COBL: variants seen among roughly 807,000 people sequenced by gnomAD.
COBL encodes the protein cordon-bleu WH2 repeat protein.
A neutral mutation model predicts 98.8 loss-of-function variants in COBL; 51 were observed. That is an observed-to-expected ratio of 0.52 (90% confidence interval 0.41 to 0.65). COBL has a LOEUF of 0.65. Among genes scored for constraint, COBL ranks in the 30% least tolerant of loss-of-function variants. The probability of loss-of-function intolerance (pLI) is 0.00; values close to 1 mark genes in which losing one functional copy is unlikely to be tolerated. For missense variants in COBL, 1,617 were observed against 1,617.5 expected (o/e 1.00, Z 0.01); for synonymous variants, 634 against 651.7 (o/e 0.97, Z 0.41).
rs529669335 is a variant in COBL, at chr7:51,294,102, C to G, written c.41+22491G>C. 6.8e-4 allele frequency among the ~76,000 whole-genome samples: 103 copies of G among 152,082 alleles called. 3 individuals carry two copies. In the South Asian group the frequency reaches 0.019, roughly 28 times the overall value. ...GGTCAGGAATTCGAGACCAGCCTGG[C>G]CAACATGGTGAAACCCCATCTCTAC... is the stretch of plus-strand genomic sequence containing the variant. On this transcript the variant is annotated intron_variant, in intron 1 of 12. Coordinates refer to ENST00000265136, the MANE Select transcript of COBL (RefSeq NM_015198.5).
chr7:51,279,588 G>A (rs1799624288), intron 1 of COBL, among the ~76,000 whole-genome samples: 1 of 152,142 alleles, frequency 6.6e-6, no homozygotes, highest in Non-Finnish European at 1.5e-5. Flanking sequence ...CGCCCCACCA[G>A]ACTGGAACAT....
intron 1 of COBL, among the ~76,000 whole-genome samples, chr7:51,305,989 T>A (rs538520587): frequency 3.3e-5 from 5 of 152,052 alleles, no homozygotes; most frequent in Non-Finnish European, 7.4e-5. Context: ...TGAGCTGAGA[T>A]CGCATCACTG....
chr7:51,128,369 GTA>G (rs1157664559), intron 6 of COBL, among the ~76,000 whole-genome samples: 1 of 152,190 alleles, frequency 6.6e-6, no homozygotes, highest in Non-Finnish European at 1.5e-5. Context: ...ATGTGTGCGT[GTA>G]TGTGTGTGTG....
rs1042553803 is a variant in COBL at position 51,031,139 on chromosome 7, G to C, written c.1407-230C>G. ...TGGGATGCGTGTAGCGTGTGTGCAT[G>C]TGTGGAGTATATGTCTTGTATGTGG... On this transcript the variant is annotated intron_variant, in intron 8 of 12. Transcript: ENST00000265136. The C allele has an allele frequency of 7.4e-6, 4 of 539,784 alleles. No individual in the cohort carries two copies. In the South Asian group the frequency reaches 1.0e-4, roughly 14 times the overall value. The allele number at this position is 539,784 out of a possible 1,614,324, so 33.4% of individuals were successfully genotyped here. A position where few individuals can be genotyped will look rare whatever the true frequency, so the allele number is the denominator to read the frequency against.
intron 2 of COBL, among the ~76,000 whole-genome samples, chr7:51,216,229 G>A (rs542756747): frequency 2.6e-5 from 4 of 152,224 alleles, no homozygotes; most frequent in South Asian, 2.1e-4. Flanking sequence ...TGCCCAGGCC[G>A]GAGTGCACAG....
At chr7:51,070,181 C>A (rs781758122) in intron 7 of COBL, among the ~76,000 whole-genome samples, 13 of 152,034 alleles carry the variant, frequency 8.6e-5, no homozygotes, top group Non-Finnish European at 1.3e-4. Flanking sequence ...ACCAATTATG[C>A]GTTGCTATTG....
intron 7 of COBL, among the ~76,000 whole-genome samples, chr7:51,059,951 T>G (rs937760328): frequency 1.3e-5 from 2 of 152,150 alleles, no homozygotes; most frequent in Non-Finnish European, 2.9e-5. Context: ...TGTGTAGGAT[T>G]GAAATGGAGA....
At chr7:51,300,346 C>T (rs893090158) in intron 1 of COBL, among the ~76,000 whole-genome samples, 5 of 151,980 alleles carry the variant, frequency 3.3e-5, no homozygotes, top group African/African-American at 7.2e-5. Context: ...TTTTTAGTAG[C>T]GATGGGGTTT....
chr7:51,268,063 G>A (rs1382378864), intron 1 of COBL, among the ~76,000 whole-genome samples: 3 of 152,132 alleles, frequency 2.0e-5, no homozygotes, highest in Admixed American at 1.3e-4. Flanking sequence ...GATGAGGACT[G>A]GACAGCCTTC....
intron 1 of COBL, among the ~76,000 whole-genome samples, chr7:51,224,012 G>T (rs996254625): frequency 6.6e-6 from 1 of 152,098 alleles, no homozygotes; most frequent in African/African-American, 2.4e-5. Flanking sequence ...CTTTCCTATG[G>T]TTAGATATGT....
At chr7:51,052,944 A>T (rs1188709672) in intron 7 of COBL, among the ~76,000 whole-genome samples, 4 of 152,184 alleles carry the variant, frequency 2.6e-5, no homozygotes, top group Non-Finnish European at 5.9e-5. Context: ...TAAATAAATG[A>T]GTGCTGTTTG....
At chr7:51,208,283 C>T (rs1424991173) in intron 2 of COBL, among the ~76,000 whole-genome samples, 1 of 151,592 alleles carries the variant, frequency 6.6e-6, no homozygotes, top group Admixed American at 6.6e-5. Context: ...GCAGCCACCC[C>T]GTCTGGGAAG....
intron 1 of COBL, among the ~76,000 whole-genome samples, chr7:51,257,056 G>A (rs901968591): frequency 2.0e-5 from 3 of 152,158 alleles, no homozygotes; most frequent in Admixed American, 6.5e-5. Context: ...TGCATAGCCT[G>A]CATTCCAGAG....
intron 2 of COBL, among the ~76,000 whole-genome samples, chr7:51,211,936 C>T (rs973045742): frequency 6.6e-6 from 1 of 152,190 alleles, no homozygotes; most frequent in East Asian, 1.9e-4. Context: ...ATCTCAGGTT[C>T]AATGGAAGGA....
chr7:51,228,820 T>A (rs1794452818), intron 1 of COBL, among the ~76,000 whole-genome samples: 2 of 152,140 alleles, frequency 1.3e-5, no homozygotes, highest in African/African-American at 2.4e-5. Flanking sequence ...AAATACTCCA[T>A]GCTCATGCTG....
chr7:51,174,690 C>A (rs1421086130), intron 5 of COBL, among the ~76,000 whole-genome samples: 1 of 152,164 alleles, frequency 6.6e-6, no homozygotes, highest in Non-Finnish European at 1.5e-5. Flanking sequence ...CAATCACTAA[C>A]CAATGTCATC....
At chr7:51,147,640 A>C (rs1785149163) in intron 5 of COBL, among the ~76,000 whole-genome samples, 1 of 152,222 alleles carries the variant, frequency 6.6e-6, no homozygotes, top group Admixed American at 6.5e-5. Flanking sequence ...CCAAATAAGG[A>C]AGAGGAATAG....
At chr7:51,156,675 T>A in intron 5 of COBL, 1 of 715,390 alleles carries the variant, frequency 1.4e-6, no homozygotes, top group Non-Finnish European at 1.7e-6. Flanking sequence ...ATTTCCAATG[T>A]ACAGTCAATA....
intron 1 of COBL, among the ~76,000 whole-genome samples, chr7:51,263,124 T>C (rs965247816): frequency 3.3e-5 from 5 of 151,956 alleles, no homozygotes; most frequent in East Asian, 1.9e-4. Flanking sequence ...AGTTGGGGAG[T>C]TCCCCCCAGC....
Sources: allele counts gnomAD v4.1 joint callset (sites outside exome capture counted in the v4.1 genomes callset), GRCh38; gene constraint gnomAD v4.1.1; transcripts MANE v1.5; gene names NCBI Gene and HGNC (gene_info 2026-07-23, HGNC 2026-07-21).